The following FBXL13 variants were observed in gnomAD, a reference collection of about 807,000 sequenced individuals.
The protein encoded by FBXL13 is F-box and leucine-rich repeat protein 13.
Under a neutral mutation model 83.6 loss-of-function variants are expected in FBXL13, and 67 were observed. The ratio of observed to expected loss-of-function variants is 0.80; its 90% CI spans 0.66 to 0.98. The LOEUF (loss-of-function observed/expected upper bound fraction) is 0.98, where lower values mean the gene tolerates loss of function less well. FBXL13 is among the 50% of genes least tolerant of loss of function. The probability of loss-of-function intolerance (pLI) is 0.00; values close to 1 mark genes in which losing one functional copy is unlikely to be tolerated. For missense variants in FBXL13, 822 were observed against 866.5 expected (o/e 0.95, Z 0.64); for synonymous variants, 272 against 299.5 (o/e 0.91, Z 0.95).
intron 16 of FBXL13, among the ~76,000 whole-genome samples, chr7:102,876,345 A>T (rs1025744467): frequency 6.6e-6 from 1 of 152,128 alleles, no homozygotes; most frequent in East Asian, 1.9e-4. Context: ...CATTGAGAAG[A>T]CCAGACACTG....
rs1364911803 is a variant in FBXL13, at chr7:102,854,825, CT to C, written c.1670del (p.Lys557ArgfsTer24). 1.3e-6 allele frequency: 2 copies of C among 1,591,954 alleles called. No individual in the cohort carries two copies. The highest frequency in any genetic ancestry group is 2.7e-5 in the African/African-American group (2 of 74,214). ...TATAACATTCAGATACAGAAAGTTC[CT>C]TCAATTTTTTATGTCTGGAAAGCAC... is the stretch of plus-strand genomic sequence containing the variant. On this transcript the variant is annotated frameshift_variant, in exon 17 of 20. Coordinates refer to ENST00000313221, the Ensembl canonical transcript of FBXL13. LOFTEE classifies it high-confidence loss of function.
chr7:102,834,102 GAA>G (rs369525063), intron 17 of FBXL13, among the ~76,000 whole-genome samples: 40 of 102,038 alleles, frequency 3.9e-4, no homozygotes, highest in Non-Finnish European at 6.9e-4. Context: ...AAGAAAGAAA[GAA>G]AGAAAGAAAG....
At chr7:102,863,405 A>T (rs987961097) in intron 16 of FBXL13, among the ~76,000 whole-genome samples, 2 of 152,120 alleles carry the variant, frequency 1.3e-5, no homozygotes, top group African/African-American at 4.8e-5. Flanking sequence ...AAATCTAAAA[A>T]GTCCCCCGAC....
chr7:103,015,626 G>A (rs557073408), intron 6 of FBXL13, among the ~76,000 whole-genome samples: 2 of 152,024 alleles, frequency 1.3e-5, no homozygotes, highest in East Asian at 1.9e-4. Context: ...GCTAAACCCC[G>A]TCTCTACTAA....
At chr7:102,850,000 T>C (rs1804912213) in intron 17 of FBXL13, among the ~76,000 whole-genome samples, 1 of 152,028 alleles carries the variant, frequency 6.6e-6, no homozygotes, top group Admixed American at 6.5e-5. Context: ...CCTGTTTTGT[T>C]TTGTTTTTTT....
chr7:103,007,243 A>G (rs985875260), intron 6 of FBXL13, among the ~76,000 whole-genome samples: 1 of 152,138 alleles, frequency 6.6e-6, no homozygotes, highest in Non-Finnish European at 1.5e-5. Flanking sequence ...AAGAAGCTCA[A>G]TGAACTCCAA....
At chr7:103,003,591 G>T (rs1248462719) in intron 6 of FBXL13, among the ~76,000 whole-genome samples, 2 of 145,236 alleles carry the variant, frequency 1.4e-5, no homozygotes, top group Non-Finnish European at 3.0e-5. Context: ...GGCCATTTTT[G>T]TTTGTTTTGA....
exon 5 of FBXL13, chr7:103,027,547 G>T: frequency 6.2e-7 from 1 of 1,603,796 alleles, no homozygotes; most frequent in South Asian, 1.1e-5. Context: ...TGTTGTATCC[G>T]CAATAGAATA....
chr7:103,024,781 A>G (rs1585416794), intron 6 of FBXL13, among the ~76,000 whole-genome samples: 2 of 147,562 alleles, frequency 1.4e-5, no homozygotes, highest in East Asian at 3.9e-4. Context: ...TGAATGCAAT[A>G]CATCAAGAGT....
chr7:102,815,110 C>T (rs1797809612), intron 19 of FBXL13, among the ~76,000 whole-genome samples: 1 of 152,110 alleles, frequency 6.6e-6, no homozygotes, highest in African/African-American at 2.4e-5. Flanking sequence ...AGCAAGGCTC[C>T]ATCATTACCC....
chr7:102,857,568 C>CA (rs1230551696), intron 16 of FBXL13: 1 of 152,934 alleles, frequency 6.5e-6, no homozygotes, highest in African/African-American at 2.4e-5. Context: ...ATGTGTGTCC[C>CA]TCCCCAAAGC....
At chr7:102,926,479 G>A (rs1341880333) in intron 9 of FBXL13, 105 bp from the exon 11 acceptor site, 2 of 790,856 alleles carry the variant, frequency 2.5e-6, no homozygotes, top group African/African-American at 3.5e-5. Flanking sequence ...AAAAATACAT[G>A]TAAGAGTTGG....
chr7:102,854,140 G>C (rs1353643304), intron 17 of FBXL13, among the ~76,000 whole-genome samples: 2 of 152,012 alleles, frequency 1.3e-5, no homozygotes, highest in African/African-American at 2.4e-5. Flanking sequence ...AACAATGATA[G>C]ACTGGATTAA....
At chr7:102,967,975 C>CA in intron 7 of FBXL13, 47 bp downstream of exon 8, 1 of 1,433,670 alleles carries the variant, frequency 7.0e-7, no homozygotes, top group Non-Finnish European at 9.8e-7. Context: ...AGTCCATTCT[C>CA]CTTTAAGAAC....
At chr7:102,834,066 AAGGAAGGAAGGAAGGAAAGAAAAGAAAG>A (rs1324865211) in intron 17 of FBXL13, among the ~76,000 whole-genome samples, 1 of 115,736 alleles carries the variant, frequency 8.6e-6, no homozygotes. Flanking sequence ...GGAAGGAAGG[AAGGAAGGAAGGAAGGAAAGAAAAGAAAG>A]AAAGAAAGAA....
At chr7:102,871,533 A>G (rs1175030907) in intron 16 of FBXL13, among the ~76,000 whole-genome samples, 1 of 151,736 alleles carries the variant, frequency 6.6e-6, no homozygotes, top group East Asian at 1.9e-4. Context: ...CTACATGCGC[A>G]TGCCACCATG....
At chr7:103,023,669 A>T (rs1423264525) in intron 6 of FBXL13, among the ~76,000 whole-genome samples, 1 of 152,228 alleles carries the variant, frequency 6.6e-6, no homozygotes, top group Non-Finnish European at 1.5e-5. Flanking sequence ...AGACACATGC[A>T]TGCATATGCA....
In FBXL13 at chr7:102,963,524, C is replaced by T; in HGVS notation, c.724+9G>A. On this transcript the variant is annotated intron_variant, in intron 8 of 19. Coordinates refer to ENST00000313221, the Ensembl canonical transcript of FBXL13. ...AAGCAAGACAAATAGTTGTAATGAA[C>T]ATACTTACTGACAGATCTGAAAGTT... The T allele has an allele frequency of 6.2e-7, 1 of 1,609,274 alleles. No homozygotes were observed. The highest frequency in any genetic ancestry group is 8.5e-7 in the Non-Finnish European group (1 of 1,178,964).
intron 10 of FBXL13, among the ~76,000 whole-genome samples, chr7:102,923,598 G>A (rs1242516871): frequency 1.3e-5 from 2 of 152,014 alleles, no homozygotes; most frequent in Non-Finnish European, 2.9e-5. Flanking sequence ...TGAGGCAGGC[G>A]GATCACGAGG....
Sources: gnomAD v4.1 joint callset for allele counts (sites outside exome capture counted in the v4.1 genomes callset) on GRCh38, gnomAD v4.1.1 for gene constraint, MANE v1.5 for transcripts, NCBI Gene and HGNC (gene_info 2026-07-23, HGNC 2026-07-21) for gene names.